ASH1L: variants seen among roughly 807,000 people sequenced by gnomAD.
ASH1L encodes histone-lysine N-methyltransferase ASH1L.
In ASH1L, 23 loss-of-function variants were observed where a neutral mutation model predicts 269.0. The ratio of observed to expected loss-of-function variants is 0.09; its 90% CI spans 0.06 to 0.12. The LOEUF (loss-of-function observed/expected upper bound fraction) is 0.12. Ranked by LOEUF, ASH1L falls within the 10% of genes least tolerant of loss-of-function variation. The pLI is 1.00. For missense variants in ASH1L, 2,912 were observed against 3,567.8 expected (o/e 0.82, Z 4.68); for synonymous variants, 1,187 against 1,253.5 (o/e 0.95, Z 1.12).
intron 7 of ASH1L, among the ~76,000 whole-genome samples, chr1:155,384,644 C>CA (rs1249861260): frequency 6.6e-6 from 1 of 152,102 alleles, no homozygotes; most frequent in Non-Finnish European, 1.5e-5. Context: ...CTCAAGCAAT[C>CA]AGCCTCCCAA....
In ASH1L at chr1:155,349,613, G is replaced by A. The variant is rs1204554217; in HGVS notation, c.7367-17C>T. The A allele has an allele frequency of 6.2e-7, 1 of 1,611,916 alleles. No homozygotes were observed. Among genetic ancestry groups the A allele is most frequent in the East Asian group, 2.2e-5 (1 of 44,778 alleles). The stretch of plus-strand genomic sequence containing the variant: ...GGGAAGAATCTGCAAAAGAATGTGA[G>A]GTTTAGTAGAAAGATTCCACCATAC... On this transcript the variant is annotated splice_polypyrimidine_tract_variant and intron_variant, in intron 17 of 27. Transcript: ENST00000392403.
chr1:155,428,442 CA>C (rs35203262), intron 5 of ASH1L, among the ~76,000 whole-genome samples: 26 of 145,812 alleles, frequency 1.8e-4, no homozygotes, highest in African/African-American at 5.4e-4. Flanking sequence ...AATTCCGTCT[CA>C]AAAAAAAAAA....
At chr1:155,412,472 T>C (rs1659885639) in intron 6 of ASH1L, among the ~76,000 whole-genome samples, 1 of 152,160 alleles carries the variant, frequency 6.6e-6, no homozygotes, top group African/African-American at 2.4e-5. Flanking sequence ...AGTTTCTGGA[T>C]AGCTGAACAT....
chr1:155,554,417 C>T (rs1358499981), intron 1 of ASH1L, among the ~76,000 whole-genome samples: 4 of 152,026 alleles, frequency 2.6e-5, no homozygotes, highest in African/African-American at 9.7e-5. Flanking sequence ...GGATTAAAGG[C>T]GTGTGCCCCC....
intron 8 of ASH1L, among the ~76,000 whole-genome samples, chr1:155,379,737 T>A (rs1656775608): frequency 6.6e-6 from 1 of 152,192 alleles, no homozygotes; most frequent in African/African-American, 2.4e-5. Flanking sequence ...TAAATTCTCC[T>A]GAGACCTGCA....
At chr1:155,496,392 GA>G (rs1667156954) in intron 2 of ASH1L, among the ~76,000 whole-genome samples, 1 of 152,128 alleles carries the variant, frequency 6.6e-6, no homozygotes. Context: ...TTTGAATGTG[GA>G]AAATGACATC....
intron 1 of ASH1L, among the ~76,000 whole-genome samples, chr1:155,525,563 A>T (rs1669194839): frequency 6.6e-6 from 1 of 151,834 alleles, no homozygotes; most frequent in African/African-American, 2.4e-5. Flanking sequence ...GAAGAAGAAG[A>T]AAAATAAGAA....
chr1:155,450,040 A>G (rs1023895074), intron 4 of ASH1L, among the ~76,000 whole-genome samples: 2 of 152,200 alleles, frequency 1.3e-5, no homozygotes, highest in Non-Finnish European at 2.9e-5. Flanking sequence ...TTGCTGGTTA[A>G]AAAATTTTAA....
At chr1:155,421,642 T>A (rs1660693724) in intron 5 of ASH1L, among the ~76,000 whole-genome samples, 1 of 150,940 alleles carries the variant, frequency 6.6e-6, no homozygotes, top group Non-Finnish European at 1.5e-5. Context: ...CTGCACTCCA[T>A]CTTGGGCGAC....
rs571467946 is a variant in ASH1L at position 155,398,479 on chromosome 1, A to G, written c.6009-2926T>C. Among the ~76,000 whole-genome samples, 25 of 152,296 alleles carry G rather than the reference A, an allele frequency of 1.6e-4. No homozygotes were observed. The South Asian group carries it at 5.0e-3, about 30-fold the overall frequency. ...GTATCTAAACATTTCTAAACATAAG[A>G]AAGATAGAGTAAAAATACGGTTGTA... On this transcript the variant is annotated intron_variant, in intron 6 of 27. Coordinates refer to ENST00000392403, the MANE Select transcript of ASH1L (RefSeq NM_018489.3).
intron 1 of ASH1L, among the ~76,000 whole-genome samples, chr1:155,547,469 T>C (rs1392812673): frequency 6.6e-6 from 1 of 151,578 alleles, no homozygotes; most frequent in Non-Finnish European, 1.5e-5. Context: ...ATCGGCTCGG[T>C]GAGGTGCACT....
In ASH1L at chr1:155,344,321, C is replaced by T. The variant is rs772130740; in HGVS notation, c.7891-48G>A. ...GTATAAGGGCTGGAATTACTACATTCAGCCTACTTATTTCTCAACCTAGAA... is the reference window on the plus strand; with the variant it reads ...GTATAAGGGCTGGAATTACTACATTTAGCCTACTTATTTCTCAACCTAGAA... On this transcript the variant is annotated intron_variant, in intron 21 of 27. Transcript: ENST00000392403. 8 of 1,377,284 alleles carry T rather than the reference C, an allele frequency of 5.8e-6. No individual in the cohort carries two copies. The African/African-American group carries it at 1.1e-4, about 20-fold the overall frequency. 85.3% of individuals were successfully genotyped at this position (1,377,284 alleles called of 1,614,324 possible).
At chr1:155,508,125 T>C (rs1462383677) in intron 2 of ASH1L, among the ~76,000 whole-genome samples, 1 of 152,186 alleles carries the variant, frequency 6.6e-6, no homozygotes, top group African/African-American at 2.4e-5. Flanking sequence ...CCTTTTAAGT[T>C]ACTGTGTGAT....
At chr1:155,369,624 C>T (rs1033009470) in intron 12 of ASH1L, among the ~76,000 whole-genome samples, 4 of 151,962 alleles carry the variant, frequency 2.6e-5, no homozygotes, top group Non-Finnish European at 4.4e-5. Flanking sequence ...GGGGAAGGGA[C>T]CTCCAGATTC....
At chr1:155,501,442 C>T (rs1283161924) in intron 2 of ASH1L, among the ~76,000 whole-genome samples, 2 of 152,216 alleles carry the variant, frequency 1.3e-5, no homozygotes, top group Non-Finnish European at 2.9e-5. Context: ...ACAATCTCAG[C>T]TCACTGCAAT....
chr1:155,433,249 G>T, intron 5 of ASH1L: 1 of 1,552,852 alleles, frequency 6.4e-7, no homozygotes, highest in Non-Finnish European at 8.7e-7. Flanking sequence ...ATGGGCCAGG[G>T]GGGCCGGAGC....
In ASH1L at chr1:155,481,551, C is replaced by A. The variant is rs1480102128; in HGVS notation, c.1319G>T (p.Cys440Phe). 7 of 1,613,998 alleles carry A rather than the reference C, an allele frequency of 4.3e-6. No homozygotes were observed. The highest frequency in any genetic ancestry group is 5.9e-6 in the Non-Finnish European group (7 of 1,179,996). Residue 440 changes from cysteine to phenylalanine, a missense_variant, in exon 3 of 28, where the codon TGT becomes TTT. Physicochemically the swap from Cys to Phe is radical, Grantham distance 205. Transcript: ENST00000392403. Reference sequence around the variant, plus strand: ...TTCCTGATTATTGATGTTTGTACTACAAGAAGCCTTAAGCGGTTCCTGAGT... The same window carrying A: ...TTCCTGATTATTGATGTTTGTACTAAAAGAAGCCTTAAGCGGTTCCTGAGT... Reference protein sequence around the residue: ...LPTQEPLKASCSTNINNQESQ... With the variant: ...LPTQEPLKASFSTNINNQESQ...
In ASH1L at chr1:155,343,137, C is replaced by T; in HGVS notation, c.8293+177G>A. 1 of 605,396 alleles carries T rather than the reference C, an allele frequency of 1.7e-6. No individual in the cohort carries two copies. The highest frequency in any genetic ancestry group is 2.8e-6 in the Non-Finnish European group (1 of 356,648). 37.5% of individuals were successfully genotyped at this position (605,396 alleles called of 1,614,324 possible). ...GCAATCCTCCCAGTAGTTGGGACTA[C>T]AGGCCTACACTGCCATGCCCAGCTA... On this transcript the variant is annotated intron_variant, in intron 24 of 27. Transcript: ENST00000392403. This position sits in a 1 kb window ranked among gnomAD's most constrained non-coding sequence, Gnocchi z 6.1.
upstream of ASH1L, chr1:155,563,010 G>A: frequency 2.2e-6 from 1 of 458,346 alleles, no homozygotes; most frequent in Non-Finnish European, 4.4e-6. Context: ...GGGCCGAGCG[G>A]GTCGGGGCTT....
Sources: gnomAD v4.1 joint callset for allele counts (sites outside exome capture counted in the v4.1 genomes callset) on GRCh38, gnomAD v4.1.1 for gene constraint, Gnocchi (gnomAD v3.1) non-coding constraint, MANE v1.5 for transcripts, NCBI Gene and HGNC (gene_info 2026-07-23, HGNC 2026-07-21) for gene names.